DISC1: variants seen among roughly 807,000 people sequenced by gnomAD.
DISC1 encodes the protein disrupted in schizophrenia 1 protein.
In DISC1, 57 loss-of-function variants were observed where a neutral mutation model predicts 84.5. The ratio of observed to expected loss-of-function variants is 0.67; its 90% CI spans 0.55 to 0.84. The LOEUF (loss-of-function observed/expected upper bound fraction) is 0.84, where lower values mean the gene tolerates loss of function less well. Among genes scored for constraint, DISC1 ranks in the 40% least tolerant of loss-of-function variants. The probability of loss-of-function intolerance (pLI) is 0.00; values close to 1 mark genes in which losing one functional copy is unlikely to be tolerated. For missense variants in DISC1, 1,000 were observed against 1,057.8 expected, an observed-to-expected ratio of 0.95 and a Z score of 0.76; for synonymous variants, 411 against 415.2, an observed-to-expected ratio of 0.99 and a Z score of 0.12.
At chr1:231,648,992 A>T (rs1276399411) in intron 1 of DISC1, among the ~76,000 whole-genome samples, 6 of 151,878 alleles carry the variant, frequency 4.0e-5, no homozygotes, top group African/African-American at 9.7e-5. Context: ...AATTTTGTTG[A>T]TCTTTTCAAA....
intron 10 of DISC1, among the ~76,000 whole-genome samples, chr1:231,979,666 C>T (rs1311334134): frequency 6.6e-6 from 1 of 150,662 alleles, no homozygotes; most frequent in Non-Finnish European, 1.5e-5. Flanking sequence ...TATATCCTCT[C>T]TATATGTAAT....
chr1:231,899,463 G>A (rs986728966), intron 9 of DISC1, among the ~76,000 whole-genome samples: 11 of 152,164 alleles, frequency 7.2e-5, no homozygotes, highest in African/African-American at 2.4e-4. Flanking sequence ...CATCAAAAGG[G>A]TCTTGGTCTA....
chr1:231,794,308 A>G (rs1439025175), intron 6 of DISC1, among the ~76,000 whole-genome samples: 1 of 151,486 alleles, frequency 6.6e-6, no homozygotes, highest in African/African-American at 2.4e-5. Flanking sequence ...AAGCTTTCCC[A>G]CCAATCTCCT....
intron 3 of DISC1, among the ~76,000 whole-genome samples, chr1:231,728,864 T>G (rs1475957021): frequency 6.6e-6 from 1 of 152,214 alleles, no homozygotes; most frequent in Non-Finnish European, 1.5e-5. Flanking sequence ...TTATTATGCT[T>G]TAAGTTTTAG....
intron 3 of DISC1, among the ~76,000 whole-genome samples, chr1:231,734,587 A>G (rs2072227140): frequency 6.6e-6 from 1 of 152,142 alleles, no homozygotes; most frequent in Non-Finnish European, 1.5e-5. Flanking sequence ...TGGTGTAAGT[A>G]CTTTTTCTAT....
chr1:231,951,843 A>C lies in DISC1; in HGVS notation c.1982-6985A>C, dbSNP rs80246586. ...TACTTTGGGAAGTGGAAGTGAGAGG[A>C]CTGCTTGAGGCCAGGAGTTCGAGAT... is the stretch of plus-strand genomic sequence containing the variant. On this transcript the variant is annotated intron_variant, in intron 9 of 12. Transcript: ENST00000439617. 3.0e-3 allele frequency among the ~76,000 whole-genome samples: 455 copies of C among 152,072 alleles called. 3 individuals are homozygous for C. Among genetic ancestry groups the C allele is most frequent in the African/African-American group, 0.011 (449 of 41,470 alleles).
chr1:232,024,305 A>G (rs894686536), intron 11 of DISC1, among the ~76,000 whole-genome samples: 1 of 152,166 alleles, frequency 6.6e-6, no homozygotes, highest in South Asian at 2.1e-4. Context: ...AGACTTCTCC[A>G]ATATTTACAA....
At chr1:231,939,108 T>C (rs925596193) in intron 9 of DISC1, among the ~76,000 whole-genome samples, 1 of 152,250 alleles carries the variant, frequency 6.6e-6, no homozygotes, top group South Asian at 2.1e-4. Context: ...TACTTACCAC[T>C]TTGCTTATTA....
intron 9 of DISC1, among the ~76,000 whole-genome samples, chr1:231,820,403 G>A (rs978519721): frequency 2.6e-5 from 4 of 152,136 alleles, no homozygotes; most frequent in African/African-American, 9.7e-5. Flanking sequence ...ACAAAGGAGA[G>A]TGTACTTATG....
rs1330794489 is a variant in DISC1, at chr1:231,800,767, C to T, written c.1792+557C>T. 2.0e-5 allele frequency among the ~76,000 whole-genome samples: 3 copies of T among 152,178 alleles called. No individual in the cohort carries two copies. In the East Asian group the frequency reaches 5.8e-4, roughly 29 times the overall value. On this transcript the variant is annotated intron_variant, in intron 8 of 12. Coordinates refer to ENST00000439617, the MANE Select transcript of DISC1 (RefSeq NM_018662.3). ...TCCTCTGGATTTGTTATTTTATTTT[C>T]ACAATTGCTATATTAGGTAGATGGG...
chr1:231,959,550 A>T (rs1660097324), intron 10 of DISC1: 2 of 973,076 alleles, frequency 2.1e-6, no homozygotes, highest in Non-Finnish European at 2.4e-6. Flanking sequence ...TTTTGCTATT[A>T]TTTTGGAATT....
chr1:231,903,636 G>A (rs2088378014), intron 9 of DISC1, among the ~76,000 whole-genome samples: 1 of 152,144 alleles, frequency 6.6e-6, no homozygotes, highest in African/African-American at 2.4e-5. Flanking sequence ...CAGACGAACA[G>A]TGTGGATTTA....
intron 9 of DISC1, among the ~76,000 whole-genome samples, chr1:231,853,480 A>G (rs944735441): frequency 4.6e-5 from 7 of 152,224 alleles, no homozygotes; most frequent in Non-Finnish European, 1.0e-4. Flanking sequence ...TGTGTATCTG[A>G]ACATATCTAA....
chr1:231,748,665 GTC>G (rs768360659), intron 3 of DISC1, among the ~76,000 whole-genome samples: 2 of 152,152 alleles, frequency 1.3e-5, no homozygotes, highest in Non-Finnish European at 2.9e-5. Context: ...GAATTTTTGT[GTC>G]TCTCTTCATC....
intron 9 of DISC1, among the ~76,000 whole-genome samples, chr1:231,869,438 T>C (rs1188979172): frequency 3.3e-5 from 5 of 152,116 alleles, no homozygotes; most frequent in Non-Finnish European, 5.9e-5. Flanking sequence ...TTAGTCCATT[T>C]TGTGTTGCTA....
chr1:231,872,958 G>A (rs1049641077), intron 9 of DISC1, among the ~76,000 whole-genome samples: 1 of 152,200 alleles, frequency 6.6e-6, no homozygotes, highest in Non-Finnish European at 1.5e-5. Context: ...ATCTCTGGTT[G>A]CATGTAGCTT....
intron 3 of DISC1, among the ~76,000 whole-genome samples, chr1:231,732,906 G>T (rs2071720427): frequency 7.0e-6 from 1 of 143,840 alleles, no homozygotes; most frequent in South Asian, 2.4e-4. Context: ...GGTGGTGTAG[G>T]TAGTGGGAAC....
Position 232,040,859 on chromosome 1 carries a change from A to G in DISC1, c.*4028A>G, listed in dbSNP as rs1394281684. 1 of 152,222 alleles carries G rather than the reference A, an allele frequency of 6.6e-6. No individual in the cohort carries two copies. The highest frequency in any genetic ancestry group is 1.5e-5 in the Non-Finnish European group (1 of 68,052). The allele number at this position is 152,222 out of a possible 1,614,324, so 9.4% of individuals were successfully genotyped here. A position where few individuals can be genotyped will look rare whatever the true frequency, so the allele number is the denominator to read the frequency against. On this transcript the variant is annotated 3_prime_UTR_variant, in exon 13 of 13. Coordinates refer to ENST00000439617, the MANE Select transcript of DISC1 (RefSeq NM_018662.3). ...GATCTAACCATTCCCCAGTCATCCC[A>G]GGAAAACCACTCACAGCCTGACACT...
intron 6 of DISC1, among the ~76,000 whole-genome samples, chr1:231,772,882 A>G (rs1013700992): frequency 1.3e-5 from 2 of 152,110 alleles, no homozygotes; most frequent in Non-Finnish European, 2.9e-5. Context: ...AGAACTCTCC[A>G]TGGCTCATGC....
Sources: allele counts gnomAD v4.1 joint callset (sites outside exome capture counted in the v4.1 genomes callset), GRCh38; gene constraint gnomAD v4.1.1; transcripts MANE v1.5; gene names NCBI Gene and HGNC (gene_info 2026-07-23, HGNC 2026-07-21).